Variants in HPCAL1 observed in about 807,000 individuals in gnomAD.
HPCAL1 encodes the protein hippocalcin-like protein 1.
In HPCAL1, 8 loss-of-function variants were observed where a neutral mutation model predicts 17.1. That is an observed-to-expected ratio of 0.47 (90% CI 0.27 to 0.84). The LOEUF (loss-of-function observed/expected upper bound fraction) is 0.84. HPCAL1 is among the 40% of genes least tolerant of loss of function. The pLI is 0.13. For missense variants in HPCAL1, 165 were observed against 271.1 expected (o/e 0.61, Z 2.75); for synonymous variants, 112 against 111.4 (o/e 1.01, Z -0.03).
chr2:10,315,153 C>T (rs1470495794), intron 1 of HPCAL1, among the ~76,000 whole-genome samples: 4 of 151,988 alleles, frequency 2.6e-5, no homozygotes, highest in Admixed American at 1.3e-4. Context: ...ATTAGCCGGG[C>T]GTGGTGGCGG....
chr2:10,359,120 G>A lies in HPCAL1; in HGVS notation c.-110-37715G>A, dbSNP rs978846002. ...TTGAGCAGCGGGACACTGACGAAGC[G>A]AGCCATACCCCCATCACATGCCCTT... On this transcript the variant is annotated intron_variant, in intron 1 of 4. Transcript: ENST00000307845. The surrounding 1 kb of genome is among the most constrained non-coding windows in gnomAD (Gnocchi z 4.1). Among the ~76,000 whole-genome samples, 6 of 151,148 alleles carry A rather than the reference G, an allele frequency of 4.0e-5. No individual in the cohort carries two copies. The highest frequency in any genetic ancestry group is 1.5e-4 in the African/African-American group (6 of 40,690).
chr2:10,319,012 G>A (rs1663502645), intron 1 of HPCAL1, among the ~76,000 whole-genome samples: 1 of 152,148 alleles, frequency 6.6e-6, no homozygotes, highest in Non-Finnish European at 1.5e-5. Context: ...CCTTTCGCAG[G>A]CTGCTTGTAA....
intron 1 of HPCAL1, among the ~76,000 whole-genome samples, chr2:10,396,547 G>C (rs1032158533): frequency 2.7e-4 from 41 of 152,350 alleles, no homozygotes; most frequent in African/African-American, 9.6e-4. Context: ...TTCCATGCCA[G>C]TTTTGTAGTA....
chr2:10,403,853 G>A (rs919561289), intron 2 of HPCAL1, among the ~76,000 whole-genome samples: 2 of 152,032 alleles, frequency 1.3e-5, no homozygotes, highest in East Asian at 3.9e-4. Context: ...AGAATTCAGA[G>A]GCAATTTTTC....
At chr2:10,341,273 A>G (rs1665059699) in intron 1 of HPCAL1, among the ~76,000 whole-genome samples, 1 of 152,024 alleles carries the variant, frequency 6.6e-6, no homozygotes, top group African/African-American at 2.4e-5. Flanking sequence ...CATCCTGGGC[A>G]ACACGGTGAA....
chr2:10,332,527 GTGAAGCGGGCCCCTGTACT>G (rs1393204587), intron 1 of HPCAL1, among the ~76,000 whole-genome samples: 1 of 152,086 alleles, frequency 6.6e-6, no homozygotes, highest in African/African-American at 2.4e-5. Context: ...CAGGGAAGGG[GTGAAGCGGGCCCCTGTACT>G]CCCTAGCTGG....
intron 1 of HPCAL1, among the ~76,000 whole-genome samples, chr2:10,309,693 G>A (rs1266900915): frequency 1.3e-5 from 2 of 152,198 alleles, no homozygotes; most frequent in Non-Finnish European, 2.9e-5. Flanking sequence ...AGGGGCTGGG[G>A]GAGGGCGTTG....
intron 1 of HPCAL1, among the ~76,000 whole-genome samples, chr2:10,326,327 G>A (rs1241236192): frequency 6.6e-6 from 1 of 152,252 alleles, no homozygotes; most frequent in Non-Finnish European, 1.5e-5. Flanking sequence ...GCCCCAGTGA[G>A]GTGACAGAAG....
At chr2:10,360,956 A>G (rs1666485569) in intron 1 of HPCAL1, among the ~76,000 whole-genome samples, 1 of 150,802 alleles carries the variant, frequency 6.6e-6, no homozygotes, top group Non-Finnish European at 1.5e-5. Context: ...GTCCAGCAGT[A>G]TTCTCTCCAC....
chr2:10,324,585 G>T (rs957641593), intron 1 of HPCAL1, among the ~76,000 whole-genome samples: 4 of 152,080 alleles, frequency 2.6e-5, no homozygotes, highest in African/African-American at 9.7e-5. Context: ...TGATTTGCCG[G>T]CTGGTTTTCA....
In HPCAL1 at chr2:10,330,765, G is replaced by C. The variant is rs952961745; in HGVS notation, c.-111+27588G>C. On this transcript the variant is annotated intron_variant, in intron 1 of 4. Transcript: ENST00000307845. This position sits in a 1 kb window ranked among gnomAD's most constrained non-coding sequence, Gnocchi z 4.2. ...ATTGGGGCTTCCACATAGGGGTTTT[G>C]TGGGGGACACACTCAGTCCACGTTA... is the stretch of plus-strand genomic sequence containing the variant. Among the ~76,000 whole-genome samples the C allele has an allele frequency of 6.6e-6, 1 of 152,206 alleles. No individual in the cohort carries two copies. Among genetic ancestry groups the C allele is most frequent in the African/African-American group, 2.4e-5 (1 of 41,452 alleles).
intron 1 of HPCAL1, among the ~76,000 whole-genome samples, chr2:10,390,237 T>C (rs996895570): frequency 6.6e-6 from 1 of 152,120 alleles, no homozygotes; most frequent in Non-Finnish European, 1.5e-5. Context: ...CATCTTGGCT[T>C]CCACCCTGTG....
At chr2:10,313,756 T>C (rs1663129895) in intron 1 of HPCAL1, among the ~76,000 whole-genome samples, 1 of 152,186 alleles carries the variant, frequency 6.6e-6, no homozygotes, top group Admixed American at 6.5e-5. Context: ...AGGAAAGATG[T>C]TTAAAAATGC....
At chr2:10,373,023 C>A (rs1667322852) in intron 1 of HPCAL1, among the ~76,000 whole-genome samples, 1 of 152,274 alleles carries the variant, frequency 6.6e-6, no homozygotes, top group Non-Finnish European at 1.5e-5. Flanking sequence ...GCCTGACTCT[C>A]CTCCAAGCTG....
chr2:10,393,554 C>T (rs531548677), intron 1 of HPCAL1, among the ~76,000 whole-genome samples: 3 of 152,344 alleles, frequency 2.0e-5, no homozygotes, highest in South Asian at 4.1e-4. Flanking sequence ...AGCATTTTCC[C>T]CTTCAGCTGG....
chr2:10,361,138 A>G (rs1006670217), intron 1 of HPCAL1, among the ~76,000 whole-genome samples: 3 of 147,698 alleles, frequency 2.0e-5, no homozygotes, highest in Non-Finnish European at 4.5e-5. Context: ...TGGCCTCCCC[A>G]GTGCTGGACG....
chr2:10,401,985 C>T (rs1418718211), intron 2 of HPCAL1, among the ~76,000 whole-genome samples: 1 of 152,142 alleles, frequency 6.6e-6, no homozygotes, highest in Non-Finnish European at 1.5e-5. Flanking sequence ...ACTGCAAGCT[C>T]CGCCTCCTGG....
chr2:10,411,291 G>A (rs1446529514), intron 2 of HPCAL1, among the ~76,000 whole-genome samples: 1 of 152,070 alleles, frequency 6.6e-6, no homozygotes, highest in Admixed American at 6.5e-5. Flanking sequence ...GAAGGAGGTG[G>A]GCTCTCCACT....
intron 3 of HPCAL1, among the ~76,000 whole-genome samples, chr2:10,421,338 A>G (rs1671051017): frequency 6.6e-6 from 1 of 152,218 alleles, no homozygotes; most frequent in Non-Finnish European, 1.5e-5. Flanking sequence ...CCAGGTGCCT[A>G]GGTATGCGAG....
Sources: gnomAD v4.1 joint callset for allele counts (sites outside exome capture counted in the v4.1 genomes callset) on GRCh38, gnomAD v4.1.1 for gene constraint, Gnocchi (gnomAD v3.1) non-coding constraint, MANE v1.5 for transcripts, NCBI Gene and HGNC (gene_info 2026-07-23, HGNC 2026-07-21) for gene names.